The following SPTBN4 variants were observed in gnomAD, a reference collection of about 807,000 sequenced individuals.
The protein encoded by SPTBN4 is spectrin beta chain, non-erythrocytic 4.
Under a neutral mutation model 277.8 loss-of-function variants are expected in SPTBN4, and 96 were observed. That is an observed-to-expected ratio of 0.35 (90% confidence interval 0.29 to 0.41). The LOEUF is 0.41. Ranked by LOEUF, SPTBN4 falls within the 10% of genes least tolerant of loss-of-function variation. The pLI, the probability that SPTBN4 is intolerant of heterozygous loss-of-function variation, is 1.00. For missense variants in SPTBN4, 3,006 were observed against 3,595.7 expected (o/e 0.84, Z 4.19); for synonymous variants, 1,481 against 1,580.3 (o/e 0.94, Z 1.49).
chr19:40,504,624 C>A (rs1339644970), intron 12 of SPTBN4, among the ~76,000 whole-genome samples: 10 of 151,554 alleles, frequency 6.6e-5, no homozygotes, highest in Non-Finnish European at 1.5e-4. Context: ...AGCCGAGATC[C>A]CGCCACTGCA....
intron 27 of SPTBN4, among the ~76,000 whole-genome samples, chr19:40,564,541 T>C (rs990758579): frequency 1.2e-4 from 18 of 151,988 alleles, no homozygotes; most frequent in African/African-American, 4.3e-4. Flanking sequence ...AGAAAAAGTT[T>C]GAAAATTTGG....
chr19:40,503,666 T>C (rs1215357940), intron 11 of SPTBN4, among the ~76,000 whole-genome samples, 164 bp from the exon 12 acceptor site: 3 of 151,672 alleles, frequency 2.0e-5, no homozygotes, highest in African/African-American at 7.3e-5. Flanking sequence ...GGTCTCCAGG[T>C]TACCTGGGTA....
Position 40,503,818 on chromosome 19 carries a change from T to G in SPTBN4, c.1363-12T>G. ...GAGGCAGCATGGGTGAGTGTCTGGC[T>G]CACTGCCCCAGGACAACTTTGGGTA... On this transcript the variant is annotated splice_polypyrimidine_tract_variant and intron_variant, in intron 11 of 35. Transcript: ENST00000598249. 1 of 1,568,064 alleles carries G rather than the reference T, an allele frequency of 6.4e-7. No individual in the cohort carries two copies. Among genetic ancestry groups the G allele is most frequent in the Non-Finnish European group, 8.7e-7 (1 of 1,153,182 alleles).
chr19:40,502,904 C>T lies in SPTBN4; in HGVS notation c.1333C>T (p.Leu445=), dbSNP rs754667625. ...CAAGGTGGCTATGAGGGAGAGCTGG[C>T]TGAATGAGAACCAGCGTCTGGTCTC... ...DHKVAMRESW[L]NENQRLVSQD... Residue 445 remains leucine (L), a synonymous_variant, in exon 11 of 36, where the codon CTG becomes TTG. Coordinates refer to ENST00000598249, the MANE Select transcript of SPTBN4 (RefSeq NM_020971.3). The surrounding 1 kb of genome is among the most constrained non-coding windows in gnomAD (Gnocchi z 4.9). 1.2e-6 allele frequency: 2 copies of T among 1,613,828 alleles called. No homozygotes were observed. The highest frequency in any genetic ancestry group is 1.3e-5 in the African/African-American group (1 of 75,040).
intron 27 of SPTBN4, among the ~76,000 whole-genome samples, chr19:40,562,529 CA>C (rs35366889): frequency 0.39 from 21,883 of 55,636 alleles, 1,954 homozygotes; most frequent in Non-Finnish European, 0.42. Flanking sequence ...GACTCTGTGT[CA>C]AAAAAAAAAA....
At chr19:40,573,534 GTAAAAAAGAT>G (rs2081173513) in intron 35 of SPTBN4, among the ~76,000 whole-genome samples, 1 of 152,160 alleles carries the variant, frequency 6.6e-6, no homozygotes, top group Admixed American at 6.5e-5. Context: ...ACAGTGATGT[GTAAAAAAGAT>G]TCCTGGCTGG....
At chr19:40,547,685 G>C (rs2080873632) in intron 20 of SPTBN4, among the ~76,000 whole-genome samples, 1 of 152,160 alleles carries the variant, frequency 6.6e-6, no homozygotes, top group Non-Finnish European at 1.5e-5. Context: ...ATCCTCTCCA[G>C]CATCTGTTGT....
At chr19:40,531,463 T>TG (rs1263038766) in intron 18 of SPTBN4, among the ~76,000 whole-genome samples, 1 of 104,540 alleles carries the variant, frequency 9.6e-6, no homozygotes, top group Non-Finnish European at 1.9e-5. Flanking sequence ...GTCCAGTGTT[T>TG]GTTTTTTTTT....
chr19:40,556,965 G>T, intron 25 of SPTBN4, 58 bp from the exon 26 acceptor site: 8 of 1,501,170 alleles, frequency 5.3e-6, no homozygotes, highest in South Asian at 2.7e-5. Flanking sequence ...GAGGGGGCTG[G>T]TGTATGCTGC....
intron 20 of SPTBN4, among the ~76,000 whole-genome samples, chr19:40,542,150 G>A (rs1174218331): frequency 1.3e-5 from 2 of 152,164 alleles, no homozygotes; most frequent in Non-Finnish European, 2.9e-5. Context: ...TTGAACTCCT[G>A]ACCTCAGGTG....
intron 5 of SPTBN4, among the ~76,000 whole-genome samples, chr19:40,493,700 G>T (rs1348479102): frequency 6.6e-6 from 1 of 152,010 alleles, no homozygotes; most frequent in African/African-American, 2.4e-5. Context: ...TCCAGCCTGG[G>T]CTACAGAGCA....
intron 2 of SPTBN4, among the ~76,000 whole-genome samples, chr19:40,476,360 A>AT (rs1271471099): frequency 6.6e-6 from 1 of 151,582 alleles, no homozygotes; most frequent in African/African-American, 2.4e-5. Flanking sequence ...AAAAAAAAAA[A>AT]AAAGAGAGAG....
intron 18 of SPTBN4, among the ~76,000 whole-genome samples, chr19:40,529,945 G>T (rs1257899219): frequency 6.6e-6 from 1 of 151,956 alleles, no homozygotes; most frequent in South Asian, 2.1e-4. Flanking sequence ...TCCCCCCTAT[G>T]TTGAACACCC....
At chr19:40,513,794 G>A (rs2080423289) in intron 14 of SPTBN4, among the ~76,000 whole-genome samples, 1 of 152,164 alleles carries the variant, frequency 6.6e-6, no homozygotes, top group Non-Finnish European at 1.5e-5. Flanking sequence ...CGGTAAATGA[G>A]TTCATACATG....
intron 12 of SPTBN4, among the ~76,000 whole-genome samples, chr19:40,505,382 C>CAAAAAAAA (rs1209780246): frequency 5.4e-5 from 3 of 55,850 alleles, no homozygotes; most frequent in African/African-American, 7.3e-5. Context: ...GACCCTGTCT[C>CAAAAAAAA]AAAAAAAAAA....
rs2080407720 is a variant in SPTBN4, at chr19:40,512,900, T to C, written c.2111T>C (p.Leu704Pro). ...TARLLAQHKI[L>P]QGELGGRRAL... ...CGCCTCCTGGCCCAGCACAAGATCC[T>C]GCAGGGCGAGCTGGGCGGGCGGCGA... Residue 704 changes from leucine to proline, a missense_variant, in exon 14 of 36, where the codon CTG becomes CCG. Transcript: ENST00000598249. The C allele has an allele frequency of 7.0e-7, 1 of 1,433,626 alleles. No individual in the cohort carries two copies. 88.8% of individuals were successfully genotyped at this position (1,433,626 alleles called of 1,614,324 possible). A position where few individuals can be genotyped will look rare whatever the true frequency, so the allele number is the denominator to read the frequency against.
intron 12 of SPTBN4, among the ~76,000 whole-genome samples, chr19:40,504,399 G>C (rs992847632): frequency 6.6e-6 from 1 of 152,176 alleles, no homozygotes; most frequent in African/African-American, 2.4e-5. Context: ...GGACACGGTG[G>C]CTCACACCTG....
Position 40,554,785 on chromosome 19 carries a change from C to A in SPTBN4, c.5084+139C>A. On this transcript the variant is annotated intron_variant, in intron 24 of 35. Transcript: ENST00000598249. This position sits in a 1 kb window ranked among gnomAD's most constrained non-coding sequence, Gnocchi z 5.7. ...TGTGTGCTGGAGCCCTCGAATTTGG[C>A]AAGTGGGCGGGCCGGAATGGGGGGA... 1 of 1,368,996 alleles carries A rather than the reference C, an allele frequency of 7.3e-7. No individual in the cohort carries two copies. Among genetic ancestry groups the A allele is most frequent in the Non-Finnish European group, 1.0e-6 (1 of 1,002,826 alleles). The allele number at this position is 1,368,996 out of a possible 1,614,324, so 84.8% of individuals were successfully genotyped here.
At chr19:40,564,877 G>T (rs573865048) in intron 27 of SPTBN4, among the ~76,000 whole-genome samples, 1 of 151,704 alleles carries the variant, frequency 6.6e-6, no homozygotes, top group Non-Finnish European at 1.5e-5. Flanking sequence ...AATCCTAGAA[G>T]GTTAGAATCA....
Sources: allele counts gnomAD v4.1 joint callset (sites outside exome capture counted in the v4.1 genomes callset), GRCh38; gene constraint gnomAD v4.1.1; non-coding constraint Gnocchi (gnomAD v3.1); transcripts MANE v1.5; gene names NCBI Gene and HGNC (gene_info 2026-07-23, HGNC 2026-07-21).